The following CYP7B1 variants were observed in gnomAD, a reference collection of about 807,000 sequenced individuals.
CYP7B1 encodes cytochrome P450 7B1.
In CYP7B1, 29 loss-of-function variants were observed where a neutral mutation model predicts 42.7. The ratio of observed to expected loss-of-function variants is 0.68; its 90% confidence interval spans 0.51 to 0.93. The LOEUF (loss-of-function observed/expected upper bound fraction) is 0.93. CYP7B1 is among the 40% of genes least tolerant of loss of function. The probability of loss-of-function intolerance (pLI) is 0.00; values close to 1 mark genes in which losing one functional copy is unlikely to be tolerated. For missense variants in CYP7B1, 655 were observed against 600.5 expected (o/e 1.09, Z -0.95); for synonymous variants, 235 against 218.2 (o/e 1.08, Z -0.68).
chr8:64,798,115 C>T (rs955750956), intron 1 of CYP7B1, among the ~76,000 whole-genome samples: 11 of 152,208 alleles, frequency 7.2e-5, no homozygotes, highest in African/African-American at 2.7e-4. Flanking sequence ...TAAGAATATT[C>T]CCCTCCTGAA....
chr8:64,682,283 G>A (rs1806550556), intron 1 of CYP7B1, among the ~76,000 whole-genome samples: 1 of 152,174 alleles, frequency 6.6e-6, no homozygotes, highest in African/African-American at 2.4e-5. Context: ...AAAGAGGTGG[G>A]ATGAAGCCAG....
Position 64,596,886 on chromosome 8 carries a change from G to C in CYP7B1, c.1277C>G (p.Thr426Ser), listed in dbSNP as rs1585795965. Residue 426 changes from threonine (T) to serine (S), a missense_variant, in exon 6 of 6, where the codon ACC becomes AGC. Physicochemically the swap from Thr to Ser is moderately conservative, Grantham distance 58. Coordinates refer to ENST00000310193, the MANE Select transcript of CYP7B1 (RefSeq NM_004820.5). Reference protein sequence around the residue: ...DRFIEDGKKKTTFFKRGKKLK... With the variant: ...DRFIEDGKKKSTFFKRGKKLK... ...CTTTTTCCCTCTTTTGAAAAAGGTG[G>C]TTTTCTTCTTACCATCTTCTATAAA... 6.2e-7 allele frequency: 1 copy of C among 1,613,332 alleles called. No individual in the cohort carries two copies. The highest frequency in any genetic ancestry group is 2.2e-5 in the East Asian group (1 of 44,828).
At chr8:64,693,216 C>CAGT (rs1423620582) in intron 1 of CYP7B1, among the ~76,000 whole-genome samples, 1 of 152,226 alleles carries the variant, frequency 6.6e-6, no homozygotes, top group African/African-American at 2.4e-5. Context: ...TATTGGGAGA[C>CAGT]AACTGAGTGT....
intron 1 of CYP7B1, among the ~76,000 whole-genome samples, chr8:64,721,305 C>T (rs946436197): frequency 3.3e-5 from 5 of 152,024 alleles, no homozygotes; most frequent in Non-Finnish European, 7.4e-5. Flanking sequence ...TGCTAGAAAG[C>T]GTTAAGTGAA....
chr8:64,707,995 T>A (rs1174949769), intron 1 of CYP7B1, among the ~76,000 whole-genome samples: 1 of 152,130 alleles, frequency 6.6e-6, no homozygotes, highest in East Asian at 1.9e-4. Flanking sequence ...GGCTTGCTGT[T>A]GTATCTTTTG....
intron 1 of CYP7B1, among the ~76,000 whole-genome samples, chr8:64,730,751 GCA>G (rs61050207): frequency 0.028 from 3,931 of 142,942 alleles, 139 homozygotes; most frequent in East Asian, 0.16. Context: ...AGGACTGTCT[GCA>G]CACACACACA....
Position 64,616,146 on chromosome 8 carries a change from T to G in CYP7B1, c.395A>C (p.His132Pro). The G allele has an allele frequency of 6.2e-7, 1 of 1,613,674 alleles. No homozygotes were observed. The highest frequency in any genetic ancestry group is 8.5e-7 in the Non-Finnish European group (1 of 1,179,772). Reference protein sequence around the residue: ...AFSISQLQKNHDMNDELHLCY... With the variant: ...AFSISQLQKNPDMNDELHLCY... ...GAGGTGAAGCTCATCATTCATGTCA[T>G]GATTTTTTTGCAACTGACTGATGCT... is the stretch of plus-strand genomic sequence containing the variant. The change falls in exon 3 of 6, where the codon CAT (histidine) becomes CCT (proline). Residue 132 changes from histidine to proline, a missense_variant. Transcript: ENST00000310193.
At chr8:64,725,191 A>G (rs1807305635) in intron 1 of CYP7B1, among the ~76,000 whole-genome samples, 1 of 152,224 alleles carries the variant, frequency 6.6e-6, no homozygotes, top group South Asian at 2.1e-4. Flanking sequence ...GTGTTCTCTG[A>G]GTCTTTGGGT....
chr8:64,702,180 T>C (rs1806926781), intron 1 of CYP7B1, among the ~76,000 whole-genome samples: 1 of 152,002 alleles, frequency 6.6e-6, no homozygotes, highest in African/African-American at 2.4e-5. Context: ...CTTAGCCCAT[T>C]ATAGAACTAT....
At chr8:64,752,422 A>G (rs1356290134) in intron 1 of CYP7B1, among the ~76,000 whole-genome samples, 3 of 150,220 alleles carry the variant, frequency 2.0e-5, no homozygotes, top group South Asian at 2.1e-4. Context: ...GTGTGTGTGT[A>G]TAAATCAAGT....
intron 5 of CYP7B1, among the ~76,000 whole-genome samples, chr8:64,600,206 AGT>A (rs1287962707): frequency 2.6e-5 from 4 of 152,228 alleles, no homozygotes; most frequent in Non-Finnish European, 2.9e-5. Flanking sequence ...CTAGAAATCA[AGT>A]TTGGATAGAG....
chr8:64,774,433 C>G (rs970193426), intron 1 of CYP7B1, among the ~76,000 whole-genome samples: 1 of 152,056 alleles, frequency 6.6e-6, no homozygotes. Context: ...TTTCTTTTGC[C>G]TTAGTGATTG....
intron 1 of CYP7B1, among the ~76,000 whole-genome samples, chr8:64,705,985 G>T (rs1385485799): frequency 6.6e-6 from 1 of 151,892 alleles, no homozygotes; most frequent in Admixed American, 6.6e-5. Flanking sequence ...GAACTCCAAC[G>T]GGTTATTTTA....
chr8:64,746,218 C>T (rs1040735080), intron 1 of CYP7B1, among the ~76,000 whole-genome samples: 20 of 152,040 alleles, frequency 1.3e-4, no homozygotes, highest in African/African-American at 4.8e-4. Flanking sequence ...GGTAGTAATT[C>T]TGCAATACTA....
intron 1 of CYP7B1, among the ~76,000 whole-genome samples, chr8:64,775,353 G>GAGTT (rs1804306532): frequency 6.6e-6 from 1 of 152,064 alleles, no homozygotes. Flanking sequence ...TGGAGCCAAT[G>GAGTT]AGTTATATTC....
At chr8:64,651,434 T>A (rs1806037103) in intron 1 of CYP7B1, among the ~76,000 whole-genome samples, 1 of 152,244 alleles carries the variant, frequency 6.6e-6, no homozygotes, top group Non-Finnish European at 1.5e-5. Context: ...GTTAAGGACG[T>A]AGCGTCTGGA....
intron 1 of CYP7B1, among the ~76,000 whole-genome samples, chr8:64,749,404 A>G (rs902304373): frequency 3.9e-5 from 6 of 152,214 alleles, no homozygotes; most frequent in African/African-American, 1.2e-4. Context: ...TAGAAAGATC[A>G]GTCTGACTAA....
At chr8:64,752,971 C>T (rs1807751387) in intron 1 of CYP7B1, among the ~76,000 whole-genome samples, 1 of 152,086 alleles carries the variant, frequency 6.6e-6, no homozygotes, top group South Asian at 2.1e-4. Flanking sequence ...GTTGAGAGAA[C>T]ACACAGATAG....
intron 1 of CYP7B1, among the ~76,000 whole-genome samples, chr8:64,641,124 G>C (rs929952490): frequency 6.6e-6 from 1 of 152,168 alleles, no homozygotes; most frequent in Non-Finnish European, 1.5e-5. Flanking sequence ...CTGGTTACCT[G>C]AATGAGCCAT....
Sources: gnomAD v4.1 joint callset for allele counts (sites outside exome capture counted in the v4.1 genomes callset) on GRCh38, gnomAD v4.1.1 for gene constraint, MANE v1.5 for transcripts, NCBI Gene and HGNC (gene_info 2026-07-23, HGNC 2026-07-21) for gene names.